ROBO1: variants seen among roughly 807,000 people sequenced by gnomAD.
ROBO1 encodes the protein roundabout guidance receptor 1, also known as roundabout homolog 1.
ROBO1 carries 149 observed loss-of-function variants against 195.9 expected under a neutral mutation model. The ratio of observed to expected loss-of-function variants is 0.76; its 90% CI spans 0.67 to 0.87. The LOEUF (loss-of-function observed/expected upper bound fraction) is 0.87. Among genes scored for constraint, ROBO1 ranks in the 40% least tolerant of loss-of-function variants. The probability of loss-of-function intolerance (pLI) is 0.00; values close to 1 mark genes in which losing one functional copy is unlikely to be tolerated. For synonymous variants in ROBO1, 816 were observed against 733.2 expected, an observed-to-expected ratio of 1.11 and a Z score of -1.82; for missense variants, 1,933 against 2,068.3, an observed-to-expected ratio of 0.93 and a Z score of 1.27.
chr3:79,664,275 T>C (rs1946411962), intron 1 of ROBO1, among the ~76,000 whole-genome samples: 2 of 152,178 alleles, frequency 1.3e-5, no homozygotes, highest in South Asian at 4.1e-4. Flanking sequence ...TAAATCATAT[T>C]GTAAGCAATG....
At chr3:78,873,572 G>C (rs967170555) in intron 4 of ROBO1, among the ~76,000 whole-genome samples, 8 of 151,734 alleles carry the variant, frequency 5.3e-5, no homozygotes, top group African/African-American at 1.7e-4. Context: ...AGCCAATTTT[G>C]GAAAATATTC....
intron 1 of ROBO1, among the ~76,000 whole-genome samples, chr3:79,722,757 C>G (rs1462734251): frequency 6.6e-6 from 1 of 152,116 alleles, no homozygotes; most frequent in African/African-American, 2.4e-5. Flanking sequence ...GTCATTGTCA[C>G]AGAAGTGTTT....
intron 1 of ROBO1, 128 bp from the exon 2 acceptor site, chr3:79,590,089 A>G: frequency 2.0e-6 from 1 of 509,996 alleles, no homozygotes; most frequent in South Asian, 3.1e-5. Context: ...AAATTATTAC[A>G]TAACTAAAAT....
chr3:79,549,299 CAT>C (rs1197228561), intron 2 of ROBO1, among the ~76,000 whole-genome samples: 14 of 152,010 alleles, frequency 9.2e-5, no homozygotes, highest in Non-Finnish European at 1.9e-4. Flanking sequence ...TGATATACGA[CAT>C]AAAATAAATA....
At chr3:78,786,350 AT>A (rs2083833725) in intron 4 of ROBO1, among the ~76,000 whole-genome samples, 1 of 152,200 alleles carries the variant, frequency 6.6e-6, no homozygotes, top group African/African-American at 2.4e-5. Flanking sequence ...GTTTCAGTAA[AT>A]TTCAAGAAAT....
intron 2 of ROBO1, among the ~76,000 whole-genome samples, chr3:79,457,529 G>T (rs938487142): frequency 6.6e-6 from 1 of 151,982 alleles, no homozygotes. Context: ...AGAGTGGAGG[G>T]TAATATGGTT....
At chr3:79,581,133 CTT>C (rs1442115115) in intron 2 of ROBO1, among the ~76,000 whole-genome samples, 1 of 150,874 alleles carries the variant, frequency 6.6e-6, no homozygotes, top group Non-Finnish European at 1.5e-5. Flanking sequence ...TTGTTTTTGT[CTT>C]GTTTTATTTA....
chr3:79,533,400 TTTTC>T lies in ROBO1; in HGVS notation c.88+56420_88+56423del, dbSNP rs555340447. ...CCTGATGGGATATGAATATTTAGTT[TTTTC>T]TTTCTTTAAGTATGTTCCTCTTATA... is the stretch of plus-strand genomic sequence containing the variant. On this transcript the variant is annotated intron_variant, in intron 2 of 30. Transcript: ENST00000464233. Among the ~76,000 whole-genome samples, 493 of 152,290 alleles carry T rather than the reference TTTTC, an allele frequency of 3.2e-3. 2 individuals carry two copies. The highest frequency in any genetic ancestry group is 0.011 in the African/African-American group (440 of 41,576).
chr3:79,669,915 T>A (rs1461142139), intron 1 of ROBO1, among the ~76,000 whole-genome samples: 1 of 151,864 alleles, frequency 6.6e-6, no homozygotes, highest in Admixed American at 6.6e-5. Context: ...TAATTTACGG[T>A]TTTTGCACTT....
intron 4 of ROBO1, among the ~76,000 whole-genome samples, chr3:78,918,817 C>G (rs1299913609): frequency 6.6e-6 from 1 of 152,092 alleles, no homozygotes; most frequent in Non-Finnish European, 1.5e-5. Context: ...CTCACAGATA[C>G]TCATAGCCCA....
At chr3:78,971,858 T>C (rs1330905763) in intron 3 of ROBO1, among the ~76,000 whole-genome samples, 1 of 152,106 alleles carries the variant, frequency 6.6e-6, no homozygotes, top group Non-Finnish European at 1.5e-5. Context: ...CTTCGCCTCC[T>C]GGGCTCAAGC....
intron 2 of ROBO1, among the ~76,000 whole-genome samples, chr3:79,240,765 G>A (rs1214948953): frequency 6.6e-6 from 1 of 152,082 alleles, no homozygotes; most frequent in Non-Finnish European, 1.5e-5. Flanking sequence ...TCCAACCTCA[G>A]CCTCAGCCTG....
intron 1 of ROBO1, among the ~76,000 whole-genome samples, chr3:79,727,599 G>A (rs1264947364): frequency 6.6e-6 from 1 of 152,004 alleles, no homozygotes; most frequent in Non-Finnish European, 1.5e-5. Context: ...TTGGATTTTG[G>A]CATCTCTGCT....
At chr3:78,941,218 T>C (rs558690981) in intron 3 of ROBO1, among the ~76,000 whole-genome samples, 1 of 152,194 alleles carries the variant, frequency 6.6e-6, no homozygotes, top group South Asian at 2.1e-4. Context: ...AGTGCACGTA[T>C]ACAGCATGGT....
At chr3:79,043,303 T>A (rs751064917) in intron 3 of ROBO1, among the ~76,000 whole-genome samples, 1 of 152,130 alleles carries the variant, frequency 6.6e-6, no homozygotes, top group Middle Eastern at 3.2e-3. Context: ...CCTCAAGTGG[T>A]CTGAAGTTTT....
chr3:79,439,992 A>G (rs1463655766), intron 2 of ROBO1, among the ~76,000 whole-genome samples: 1 of 152,068 alleles, frequency 6.6e-6, no homozygotes, highest in Admixed American at 6.6e-5. Flanking sequence ...CCAGACCTTG[A>G]AAGAAATCTG....
chr3:79,310,336 C>T (rs150818672), intron 2 of ROBO1, among the ~76,000 whole-genome samples: 1 of 152,282 alleles, frequency 6.6e-6, no homozygotes, highest in Non-Finnish European at 1.5e-5. Flanking sequence ...AGTGTGCGCC[C>T]TCACCTTCCT....
intron 3 of ROBO1, among the ~76,000 whole-genome samples, chr3:79,072,732 GAATT>G (rs1230306692): frequency 3.3e-5 from 5 of 151,874 alleles, no homozygotes; most frequent in Non-Finnish European, 7.4e-5. Flanking sequence ...GAGTATGTAA[GAATT>G]AATACACATT....
At chr3:79,743,371 T>A (rs1703732274) in intron 1 of ROBO1, among the ~76,000 whole-genome samples, 2 of 152,208 alleles carry the variant, frequency 1.3e-5, no homozygotes, top group Admixed American at 1.3e-4. Context: ...GTTATACATT[T>A]GTTTTCAATG....
Sources: gnomAD v4.1 joint callset for allele counts (sites outside exome capture counted in the v4.1 genomes callset) on GRCh38, gnomAD v4.1.1 for gene constraint, MANE v1.5 for transcripts, NCBI Gene and HGNC (gene_info 2026-07-23, HGNC 2026-07-21) for gene names.